FLNC: variants seen among roughly 807,000 people sequenced by gnomAD.
The protein encoded by FLNC is filamin C.
A neutral mutation model predicts 254.3 loss-of-function variants in FLNC; 91 were observed. The ratio of observed to expected loss-of-function variants is 0.36; its 90% CI spans 0.30 to 0.43. The LOEUF (loss-of-function observed/expected upper bound fraction) is 0.43. FLNC is among the 20% of genes least tolerant of loss of function. The probability of loss-of-function intolerance (pLI) is 1.00; values close to 1 mark genes in which losing one functional copy is unlikely to be tolerated. For missense variants in FLNC, 2,853 were observed against 3,802.6 expected (o/e 0.75, Z 6.57); for synonymous variants, 1,430 against 1,577.2 (o/e 0.91, Z 2.21).
rs2128935255 is a variant in FLNC, at chr7:128,841,237, T to C, written c.1881T>C (p.Asp627=). 1 of 1,614,150 alleles carries C rather than the reference T, an allele frequency of 6.2e-7. No homozygotes were observed. Residue 627 remains aspartate (D), a synonymous_variant, in exon 12 of 48, where the codon GAT becomes GAC. Transcript: ENST00000325888. The surrounding 1 kb of genome is among the most constrained non-coding windows in gnomAD (Gnocchi z 4.3). The stretch of plus-strand genomic sequence containing the variant: ...ACGACAAGGGGGATGGCTCCTGCGA[T>C]GTGCGGTACTGGCCCACGGAGCCTG... ...ECDDKGDGSC[D]VRYWPTEPGE...
rs1475716861 is a variant in FLNC, at chr7:128,830,622, C to G, written c.-16C>G. The G allele has an allele frequency of 6.2e-7, 1 of 1,610,862 alleles. No individual in the cohort carries two copies. On this transcript the variant is annotated 5_prime_UTR_variant, in exon 1 of 48. Transcript: ENST00000325888. ...CCGCGGCCCTAGCCCCGGCCGCACC[C>G]CCAGCCCGCGCCAGCATGATGAACA...
intron 17 of FLNC, 30 bp from the exon 18 acceptor site, chr7:128,843,378 C>T (rs754840744): frequency 6.2e-7 from 1 of 1,613,620 alleles, no homozygotes; most frequent in Admixed American, 1.7e-5. Context: ...GGCTGCCAGG[C>T]CCTCACCACA....
chr7:128,846,972 G>A (rs1298785824), intron 24 of FLNC, 67 bp downstream of exon 24: 7 of 1,580,106 alleles, frequency 4.4e-6, no homozygotes, highest in African/African-American at 1.3e-5. Flanking sequence ...CGCCCCACAA[G>A]GGGGAAACTG....
Position 128,830,572 on chromosome 7 carries a change from G to T in FLNC, c.-66G>T. 1.4e-6 allele frequency: 2 copies of T among 1,395,642 alleles called. No individual in the cohort carries two copies. Among genetic ancestry groups the T allele is most frequent in the Non-Finnish European group, 2.0e-6 (2 of 995,992 alleles). The allele number at this position is 1,395,642 out of a possible 1,614,324, so 86.5% of individuals were successfully genotyped here. A position where few individuals can be genotyped will look rare whatever the true frequency, so the allele number is the denominator to read the frequency against. ...AGTCCCGTGGTCGCGCCCCAACAGC[G>T]CCCGACAGCCCCCGATAGCCCAAAC... On this transcript the variant is annotated 5_prime_UTR_variant, in exon 1 of 48. Coordinates refer to ENST00000325888, the MANE Select transcript of FLNC (RefSeq NM_001458.5).
intron 9 of FLNC, 31 bp from the exon 10 acceptor site, chr7:128,840,517 C>T: frequency 1.2e-6 from 2 of 1,614,064 alleles, no homozygotes; most frequent in Non-Finnish European, 1.7e-6. Context: ...ATTGATCTGC[C>T]TTCTTCCCCA....
rs80002922 is a variant in FLNC at position 128,848,174 on chromosome 7, G to A, written c.4580+106G>A. 5,882 of 1,387,774 alleles carry A rather than the reference G, an allele frequency of 4.2e-3. 123 individuals are homozygous for A. Among genetic ancestry groups the A allele is most frequent in the African/African-American group, 0.04 (2,830 of 70,026 alleles). The allele number at this position is 1,387,774 out of a possible 1,614,324, so 86.0% of individuals were successfully genotyped here. A position where few individuals can be genotyped will look rare whatever the true frequency, so the allele number is the denominator to read the frequency against. Reference sequence around the variant, plus strand: ...GAGTCCCCTGGGAGAGCCTCTCCCAGCTCTCAGCCTCGTCCAGTCTCGCCA... The same window carrying A: ...GAGTCCCCTGGGAGAGCCTCTCCCAACTCTCAGCCTCGTCCAGTCTCGCCA... On this transcript the variant is annotated intron_variant, in intron 26 of 47. Coordinates refer to ENST00000325888, the MANE Select transcript of FLNC (RefSeq NM_001458.5).
Position 128,850,076 on chromosome 7 carries a change from T to C in FLNC, c.5298+2T>C. On this transcript the variant is annotated splice_donor_variant, in intron 31 of 47. Coordinates refer to ENST00000325888, the MANE Select transcript of FLNC (RefSeq NM_001458.5). LOFTEE classifies it high-confidence loss of function. The stretch of plus-strand genomic sequence containing the variant: ...CCCGGCGCCCGCCCCACACACTGGG[T>C]ACTGCGCCTCCCACCAGGCGATGTC... 1.3e-6 allele frequency: 2 copies of C among 1,533,036 alleles called. No individual in the cohort carries two copies. The highest frequency in any genetic ancestry group is 1.8e-6 in the Non-Finnish European group (2 of 1,141,968). 95.0% of individuals were successfully genotyped at this position (1,533,036 alleles called of 1,614,324 possible).
In FLNC at chr7:128,858,063, G is replaced by T; in HGVS notation, c.7836G>T (p.Glu2612Asp). The T allele has an allele frequency of 1.2e-6, 2 of 1,611,082 alleles. No individual in the cohort carries two copies. The highest frequency in any genetic ancestry group is 1.7e-6 in the Non-Finnish European group (2 of 1,178,374). ...ACGAAACATCCACGGTTCTGGTGGA[G>T]ACTGTGACCAAGTCCTCCTCAAGCC... ...SLHETSTVLVETVTKSSSSRG... is the reference protein window; with the variant it reads ...SLHETSTVLVDTVTKSSSSRG... Residue 2612 changes from glutamate (E) to aspartate (D), a missense_variant, in exon 47 of 48, where the codon GAG becomes GAT. This residue lies in a region of FLNC where 197 missense variants were observed against 351.5 expected (regional missense o/e 0.56). Coordinates refer to ENST00000325888, the MANE Select transcript of FLNC (RefSeq NM_001458.5). This position sits in a 1 kb window ranked among gnomAD's most constrained non-coding sequence, Gnocchi z 6.7.
At chr7:128,837,885 G>A in intron 5 of FLNC, 102 bp from the exon 6 acceptor site, 1 of 1,381,998 alleles carries the variant, frequency 7.2e-7, no homozygotes, top group Non-Finnish European at 1.0e-6. Flanking sequence ...TGGGGAAGGT[G>A]TCACCATGGG....
Position 128,838,679 on chromosome 7 carries a change from G to A in FLNC, c.1287G>A (p.Glu429=), listed in dbSNP as rs780720239. 1.9e-6 allele frequency: 3 copies of A among 1,613,060 alleles called. No homozygotes were observed. The highest frequency in any genetic ancestry group is 1.7e-6 in the Non-Finnish European group (2 of 1,180,002). The change falls in exon 8 of 48, where the codon GAG becomes GAA. Residue 429 remains glutamate (E), a synonymous_variant. Transcript: ENST00000325888. ...GRRDTVEVAL[E]DKGDSTFRCT... ...GGGACACAGTGGAGGTGGCCCTGGAGGACAAGGGTGACAGCACGTTCCGCT... is the reference window on the plus strand; with the variant it reads ...GGGACACAGTGGAGGTGGCCCTGGAAGACAAGGGTGACAGCACGTTCCGCT...
At position 128,838,339 on chromosome 7, in the gene FLNC, G is replaced by A. The variant is rs1808186494; in HGVS notation, c.1120G>A (p.Asp374Asn). 6.2e-7 allele frequency: 1 copy of A among 1,613,890 alleles called. No homozygotes were observed. The highest frequency in any genetic ancestry group is 1.7e-5 in the Admixed American group (1 of 60,012). Reference protein sequence around the residue: ...FEVNVGMALGDANKVSARGPG... With the variant: ...FEVNVGMALGNANKVSARGPG... ...GGTGAACGTGGGCATGGCCCTGGGAGATGCCAACAAGGTGTCAGCCCGTGG... is the reference window on the plus strand; with the variant it reads ...GGTGAACGTGGGCATGGCCCTGGGAAATGCCAACAAGGTGTCAGCCCGTGG... The change falls in exon 7 of 48, where the codon GAT becomes AAT. Residue 374 changes from aspartate (D) to asparagine (N), a missense_variant. Coordinates refer to ENST00000325888, the MANE Select transcript of FLNC (RefSeq NM_001458.5).
Position 128,856,603 on chromosome 7 carries a change from C to T in FLNC, c.7337C>T (p.Thr2446Ile). 1 of 1,612,878 alleles carries T rather than the reference C, an allele frequency of 6.2e-7. No individual in the cohort carries two copies. The highest frequency in any genetic ancestry group is 1.1e-5 in the South Asian group (1 of 91,086). The change falls in exon 44 of 48, where the codon ACA (threonine) becomes ATA (isoleucine). Residue 2446 changes from threonine (T) to isoleucine (I), a missense_variant. Coordinates refer to ENST00000325888, the MANE Select transcript of FLNC (RefSeq NM_001458.5). The surrounding 1 kb of genome is among the most constrained non-coding windows in gnomAD (Gnocchi z 5.9). ...ARGVIDARVH[T>I]PSGAVEECYV... Reference sequence around the variant, plus strand: ...GGCGTGATTGATGCCCGGGTGCACACACCCTCGGGGGCTGTGGAGGAGTGC... The same window carrying T: ...GGCGTGATTGATGCCCGGGTGCACATACCCTCGGGGGCTGTGGAGGAGTGC...
At position 128,846,120 on chromosome 7, in the gene FLNC, T is replaced by C. The variant is rs369198655; in HGVS notation, c.3921T>C (p.Asn1307=). Residue 1307 remains asparagine, a synonymous_variant, in exon 22 of 48, where the codon AAT becomes AAC. Transcript: ENST00000325888. ...GAKTDTYVTD[N]GDGTYRVQYT... is the part of the protein sequence containing the mutation. ...AGACAGACACCTATGTGACAGACAA[T>C]GGGGACGGCACCTACCGAGTGCAGT... The C allele has an allele frequency of 3.7e-6, 6 of 1,613,056 alleles. No individual in the cohort carries two copies. The highest frequency in any genetic ancestry group is 5.1e-6 in the Non-Finnish European group (6 of 1,179,818).
chr7:128,845,162 C>T lies in FLNC; in HGVS notation c.3697C>T (p.His1233Tyr), dbSNP rs1276131293. Residue 1233 changes from histidine to tyrosine, a missense_variant, in exon 21 of 48, where the codon CAT (histidine) becomes TAT (tyrosine). This residue lies in a region of FLNC where 1,573 missense variants were observed against 1,883.5 expected (regional missense o/e 0.84). Transcript: ENST00000325888. ...CACCATTACCATCAAGTATGGCGGG[C>T]ATCCCGTGCCCAAATTCCCCACCCG... ...TYTITIKYGG[H>Y]PVPKFPTRVH... 1 of 1,613,898 alleles carries T rather than the reference C, an allele frequency of 6.2e-7. No individual in the cohort carries two copies. The highest frequency in any genetic ancestry group is 1.7e-5 in the Admixed American group (1 of 60,028).
At position 128,842,691 on chromosome 7, in the gene FLNC, G is replaced by A. The variant is rs536456072; in HGVS notation, c.2382G>A (p.Ala794=). Residue 794 remains alanine (A), a synonymous_variant, in exon 15 of 48, where the codon GCG becomes GCA. Coordinates refer to ENST00000325888, the MANE Select transcript of FLNC (RefSeq NM_001458.5). The surrounding 1 kb of genome is among the most constrained non-coding windows in gnomAD (Gnocchi z 5.4). ...PTYFTVDCSE[A]GQGDVSIGIK... is the part of the protein sequence containing the mutation. ...ACTTCACGGTGGACTGCAGCGAGGC[G>A]GGGCAAGGTGCGCCCAGCCGGAAGG... is the stretch of plus-strand genomic sequence containing the variant. The A allele has an allele frequency of 9.8e-5, 153 of 1,556,234 alleles. No homozygotes were observed. The East Asian group carries it at 2.6e-3, about 26-fold the overall frequency.
rs767801521 is a variant in FLNC at position 128,841,495 on chromosome 7, C to T, written c.2049C>T (p.Ile683=). ...FGPGLEPTGC[I]VDKPAEFTID... ...CTGGCCTGGAGCCTACCGGCTGCAT[C>T]GTGGACAAGCCCGCTGAGTTCACCA... Residue 683 remains isoleucine (I), a synonymous_variant, in exon 13 of 48, where the codon ATC becomes ATT. Transcript: ENST00000325888. The surrounding 1 kb of genome is among the most constrained non-coding windows in gnomAD (Gnocchi z 4.3). 5 of 1,614,178 alleles carry T rather than the reference C, an allele frequency of 3.1e-6. No individual in the cohort carries two copies. The South Asian group carries it at 3.3e-5, about 11-fold the overall frequency.
chr7:128,854,646 G>A lies in FLNC; in HGVS notation c.6961G>A (p.Gly2321Ser). 1 of 1,612,824 alleles carries A rather than the reference G, an allele frequency of 6.2e-7. No individual in the cohort carries two copies. Among genetic ancestry groups the A allele is most frequent in the Non-Finnish European group, 8.5e-7 (1 of 1,179,608 alleles). ...TGGTGCCCACAAGGTGCGGGCCGGA[G>A]GCACAGGGCTGGAGCGAGGTGTGGC... ...EGGAHKVRAG[G>S]TGLERGVAGV... is the part of the protein sequence containing the mutation. Residue 2321 changes from glycine to serine, a missense_variant, in exon 41 of 48, where the codon GGC becomes AGC. By Grantham distance (56) the Gly-to-Ser change is moderately conservative (BLOSUM62 0). Around this residue, in one of 10 missense-constraint regions of FLNC, gnomAD observed 551 missense variants for 835.0 expected, o/e 0.66. Transcript: ENST00000325888.
Position 128,842,010 on chromosome 7 carries a change from G to A in FLNC, c.2122-221G>A, listed in dbSNP as rs577416674. Among the ~76,000 whole-genome samples the A allele has an allele frequency of 1.3e-5, 2 of 152,124 alleles. No individual in the cohort carries two copies. The highest frequency in any genetic ancestry group is 2.9e-5 in the Non-Finnish European group (2 of 68,006). ...ACATTTCAGAGTTGAGGAAACCTAG[G>A]CTGGGAGAGCAAGCCATACAGATGG... On this transcript the variant is annotated intron_variant, in intron 13 of 47. Coordinates refer to ENST00000325888, the MANE Select transcript of FLNC (RefSeq NM_001458.5). This position sits in a 1 kb window ranked among gnomAD's most constrained non-coding sequence, Gnocchi z 5.4.
chr7:128,847,913 G>C, intron 25 of FLNC, 32 bp from the exon 26 acceptor site: 1 of 1,613,816 alleles, frequency 6.2e-7, no homozygotes. Context: ...GGGACGCCCG[G>C]AGGCTCTGCT....
Sources: gnomAD v4.1 joint callset for allele counts (sites outside exome capture counted in the v4.1 genomes callset) on GRCh38, gnomAD v4.1.1 for gene constraint, gnomAD v4.1.1 regional missense constraint, Gnocchi (gnomAD v3.1) non-coding constraint, MANE v1.5 for transcripts, NCBI Gene and HGNC (gene_info 2026-07-23, HGNC 2026-07-21) for gene names.